The following ANO10 variants were observed in gnomAD, a reference collection of about 807,000 sequenced individuals.
ANO10 encodes anoctamin 10.
In ANO10, 77 loss-of-function variants were observed where a neutral mutation model predicts 74.7. The observed-to-expected ratio is 1.03, with a 90% CI of 0.86 to 1.25. The LOEUF is 1.25. Among genes scored for constraint, ANO10 ranks in the 50% most tolerant of loss-of-function variants. The probability of loss-of-function intolerance (pLI) is 0.00; values close to 1 mark genes in which losing one functional copy is unlikely to be tolerated. For missense variants in ANO10, 721 were observed against 778.1 expected, an observed-to-expected ratio of 0.93 and a Z score of 0.87; for synonymous variants, 279 against 284.9, an observed-to-expected ratio of 0.98 and a Z score of 0.21.
intron 12 of ANO10, among the ~76,000 whole-genome samples, chr3:43,381,252 C>T (rs1400872085): frequency 6.6e-6 from 1 of 152,152 alleles, no homozygotes; most frequent in Non-Finnish European, 1.5e-5. Flanking sequence ...AAATGCTTCA[C>T]TTAAAAGATA....
chr3:43,408,712 G>A (rs753150218), intron 12 of ANO10, among the ~76,000 whole-genome samples: 14 of 152,120 alleles, frequency 9.2e-5, no homozygotes, highest in Non-Finnish European at 1.9e-4. Context: ...CTGGTGATTC[G>A]AGGATAGAAC....
At chr3:43,432,184 A>G (rs1412652910) in intron 12 of ANO10, among the ~76,000 whole-genome samples, 1 of 145,702 alleles carries the variant, frequency 6.9e-6, no homozygotes, top group African/African-American at 2.6e-5. Context: ...TTCTCCTTTC[A>G]GGGCAATTTT....
chr3:43,384,674 A>G (rs1172370470), intron 12 of ANO10, among the ~76,000 whole-genome samples: 1 of 152,228 alleles, frequency 6.6e-6, no homozygotes, highest in Non-Finnish European at 1.5e-5. Context: ...GTGGGGAAGG[A>G]CACCTTATTC....
At chr3:43,450,935 G>A (rs2074838382) in intron 11 of ANO10, among the ~76,000 whole-genome samples, 3 of 152,102 alleles carry the variant, frequency 2.0e-5, no homozygotes, top group Admixed American at 1.3e-4. Context: ...CCAAGTCCAG[G>A]CATTTTTTTC....
chr3:43,477,348 ATAAAT>A (rs930128212), intron 11 of ANO10, among the ~76,000 whole-genome samples: 2 of 152,238 alleles, frequency 1.3e-5, no homozygotes, highest in African/African-American at 4.8e-5. Flanking sequence ...AAAATAATTT[ATAAAT>A]TACTTACTCA....
At chr3:43,691,270 T>G in intron 1 of ANO10, 4 of 366,662 alleles carry the variant, frequency 1.1e-5, no homozygotes, top group African/African-American at 2.1e-5. Context: ...TGAGCCGGAC[T>G]CCGGCCGCGC....
At chr3:43,381,716 G>T (rs2091964123) in intron 12 of ANO10, among the ~76,000 whole-genome samples, 1 of 152,132 alleles carries the variant, frequency 6.6e-6, no homozygotes, top group Non-Finnish European at 1.5e-5. Context: ...TAGAACAAAT[G>T]GACTTAACAG....
At chr3:43,560,089 C>T (rs1559699502) in intron 9 of ANO10, among the ~76,000 whole-genome samples, 1 of 152,190 alleles carries the variant, frequency 6.6e-6, no homozygotes, top group African/African-American at 2.4e-5. Flanking sequence ...GTAACTGGAG[C>T]CAGGCTTGCT....
At chr3:43,655,291 T>G (rs2083835545) in intron 1 of ANO10, among the ~76,000 whole-genome samples, 1 of 152,118 alleles carries the variant, frequency 6.6e-6, no homozygotes, top group South Asian at 2.1e-4. Flanking sequence ...CGTCTGGAGC[T>G]TGTTCCTTCT....
At chr3:43,372,624 G>C (rs933122683) in intron 12 of ANO10, 1 of 490,306 alleles carries the variant, frequency 2.0e-6, no homozygotes. Flanking sequence ...CTCCTCCCCC[G>C]TCACCATCCC....
At chr3:43,682,494 C>G (rs1575591926) in intron 1 of ANO10, among the ~76,000 whole-genome samples, 1 of 152,228 alleles carries the variant, frequency 6.6e-6, no homozygotes, top group African/African-American at 2.4e-5. Context: ...CGAATTCTAC[C>G]AGAGGTACAA....
intron 10 of ANO10, among the ~76,000 whole-genome samples, chr3:43,552,726 A>ATGTATGTATG (rs1318823685): frequency 3.6e-4 from 34 of 95,574 alleles, no homozygotes; most frequent in East Asian, 3.1e-4. Context: ...ATATATATAT[A>ATGTATGTATG]TATGTATGTA....
chr3:43,376,004 G>A (rs539471269), intron 12 of ANO10, among the ~76,000 whole-genome samples: 119 of 152,320 alleles, frequency 7.8e-4, no homozygotes, highest in African/African-American at 2.7e-3. Context: ...GAAAGAGAAT[G>A]GAAGGAGCCC....
At chr3:43,545,818 T>C (rs1292492931) in intron 11 of ANO10, among the ~76,000 whole-genome samples, 1 of 152,192 alleles carries the variant, frequency 6.6e-6, no homozygotes, top group Non-Finnish European at 1.5e-5. Flanking sequence ...TTAATCTAAT[T>C]ATCATATCTA....
chr3:43,385,170 C>T (rs2092079825), intron 12 of ANO10, among the ~76,000 whole-genome samples: 1 of 152,120 alleles, frequency 6.6e-6, no homozygotes, highest in Non-Finnish European at 1.5e-5. Context: ...TGAAAAAATG[C>T]TCAACATCAT....
intron 11 of ANO10, among the ~76,000 whole-genome samples, chr3:43,513,036 G>T (rs2077569270): frequency 1.3e-5 from 2 of 152,218 alleles, no homozygotes; most frequent in African/African-American, 4.8e-5. Context: ...AAAGAAGACA[G>T]AGCTGCAGAG....
chr3:43,555,074 C>T (rs374271003), intron 10 of ANO10, among the ~76,000 whole-genome samples: 2 of 152,044 alleles, frequency 1.3e-5, no homozygotes, highest in East Asian at 3.9e-4. Flanking sequence ...ATTTATCTCC[C>T]CTAACCCCCA....
chr3:43,662,822 C>A (rs901312176), intron 1 of ANO10, among the ~76,000 whole-genome samples: 1 of 152,092 alleles, frequency 6.6e-6, no homozygotes, highest in African/African-American at 2.4e-5. Flanking sequence ...GACACATACA[C>A]CCTCCCAAGA....
At chr3:43,646,123 T>A (rs1211954992) in intron 1 of ANO10, among the ~76,000 whole-genome samples, 1 of 152,216 alleles carries the variant, frequency 6.6e-6, no homozygotes, top group Non-Finnish European at 1.5e-5. Flanking sequence ...CTGTTTTAAG[T>A]AGCTTAGTTG....
Sources: gnomAD v4.1 joint callset for allele counts (sites outside exome capture counted in the v4.1 genomes callset) on GRCh38, gnomAD v4.1.1 for gene constraint, MANE v1.5 for transcripts, NCBI Gene and HGNC (gene_info 2026-07-23, HGNC 2026-07-21) for gene names.